RNF150: variants seen among roughly 807,000 people sequenced by gnomAD.
The protein encoded by RNF150 is ring finger protein 150.
A neutral mutation model predicts 39.3 loss-of-function variants in RNF150; 24 were observed. The observed-to-expected ratio is 0.61, with a 90% CI of 0.44 to 0.86. The LOEUF is 0.86. RNF150 is among the 40% of genes least tolerant of loss of function. The pLI is 0.00. For missense variants in RNF150, 502 were observed against 587.8 expected, an observed-to-expected ratio of 0.85 and a Z score of 1.51; for synonymous variants, 255 against 227.3, an observed-to-expected ratio of 1.12 and a Z score of -1.10.
At chr4:140,878,718 CT>C (rs1729264751) in intron 6 of RNF150, among the ~76,000 whole-genome samples, 1 of 152,124 alleles carries the variant, frequency 6.6e-6, no homozygotes, top group Non-Finnish European at 1.5e-5. Context: ...TCTTTTCACT[CT>C]GTTGACTGTT....
At chr4:141,070,083 T>A (rs1484843569) in intron 1 of RNF150, among the ~76,000 whole-genome samples, 2 of 152,152 alleles carry the variant, frequency 1.3e-5, no homozygotes, top group African/African-American at 2.4e-5. Context: ...GCCACATACC[T>A]ACAACTATCT....
chr4:141,018,822 A>G lies in RNF150; in HGVS notation c.485-50949T>C, dbSNP rs145284837. On this transcript the variant is annotated intron_variant, in intron 1 of 6. Transcript: ENST00000515673. ...TTATGATCATACATAAACCAAAAATAAAAAGCAGGGAGGTAAAATTGCCAC... is the reference window on the plus strand; with the variant it reads ...TTATGATCATACATAAACCAAAAATGAAAAGCAGGGAGGTAAAATTGCCAC... Among the ~76,000 whole-genome samples the G allele has an allele frequency of 5.5e-3, 836 of 152,210 alleles. 9 individuals carry two copies. Among genetic ancestry groups the G allele is most frequent in the African/African-American group, 0.019 (805 of 41,520 alleles).
At chr4:140,976,718 C>A (rs575745376) in intron 1 of RNF150, among the ~76,000 whole-genome samples, 1 of 151,932 alleles carries the variant, frequency 6.6e-6, no homozygotes, top group African/African-American at 2.4e-5. Context: ...TTCCATGATC[C>A]ACCATTATAA....
At chr4:140,871,140 C>CTAA (rs1728922621) in intron 6 of RNF150, among the ~76,000 whole-genome samples, 1 of 151,764 alleles carries the variant, frequency 6.6e-6, no homozygotes, top group Admixed American at 6.6e-5. Context: ...TGTTTTTCTC[C>CTAA]TTTAGGGCTA....
At chr4:140,922,965 T>C (rs1578970350) in intron 5 of RNF150, among the ~76,000 whole-genome samples, 1 of 150,740 alleles carries the variant, frequency 6.6e-6, no homozygotes, top group Non-Finnish European at 1.5e-5. Context: ...ATACAAAAAT[T>C]AATTCAAGAT....
chr4:141,206,821 T>C (rs762853438), intron 1 of RNF150, among the ~76,000 whole-genome samples: 12 of 151,860 alleles, frequency 7.9e-5, no homozygotes, highest in Admixed American at 1.3e-4. Flanking sequence ...GAGAAGCCAG[T>C]AAGTGGTTCT....
At chr4:140,981,359 C>T (rs1228235833) in intron 1 of RNF150, among the ~76,000 whole-genome samples, 1 of 152,046 alleles carries the variant, frequency 6.6e-6, no homozygotes, top group Non-Finnish European at 1.5e-5. Context: ...TACAAATAGT[C>T]TGAAGGTAAT....
intron 1 of RNF150, among the ~76,000 whole-genome samples, chr4:141,095,227 G>A (rs1289657339): frequency 6.6e-6 from 1 of 152,184 alleles, no homozygotes; most frequent in Admixed American, 6.5e-5. Flanking sequence ...ACCTCAGTCT[G>A]GAATAGCTGG....
chr4:141,116,561 C>G (rs1739555745), intron 1 of RNF150, among the ~76,000 whole-genome samples: 1 of 152,188 alleles, frequency 6.6e-6, no homozygotes, highest in Non-Finnish European at 1.5e-5. Flanking sequence ...ATTAGTTCAA[C>G]CATTGTAGAA....
At chr4:141,112,993 A>G (rs185258371) in intron 1 of RNF150, among the ~76,000 whole-genome samples, 51 of 151,818 alleles carry the variant, frequency 3.4e-4, no homozygotes, top group Middle Eastern at 3.4e-3. Context: ...ATTTCTGATA[A>G]CCTTTCTTCC....
chr4:141,155,525 C>A (rs1727376767), intron 1 of RNF150, among the ~76,000 whole-genome samples: 1 of 152,064 alleles, frequency 6.6e-6, no homozygotes, highest in Non-Finnish European at 1.5e-5. Flanking sequence ...GGAATTTATG[C>A]TGAATGGGTT....
At chr4:140,959,125 T>C (rs941292131) in intron 2 of RNF150, among the ~76,000 whole-genome samples, 2 of 152,166 alleles carry the variant, frequency 1.3e-5, no homozygotes, top group Non-Finnish European at 2.9e-5. Context: ...CATGGTCCTA[T>C]GTACTTAATA....
chr4:140,880,259 G>A (rs1197101453), intron 6 of RNF150, among the ~76,000 whole-genome samples: 1 of 152,016 alleles, frequency 6.6e-6, no homozygotes, highest in African/African-American at 2.4e-5. Context: ...ATAATCATGT[G>A]ATTTTCATTC....
chr4:141,085,215 T>G (rs1738315304), intron 1 of RNF150, among the ~76,000 whole-genome samples: 1 of 152,156 alleles, frequency 6.6e-6, no homozygotes, highest in Non-Finnish European at 1.5e-5. Flanking sequence ...AACTGCCCTT[T>G]ATAAAGCCAT....
chr4:141,005,786 G>A (rs1335223311), intron 1 of RNF150, among the ~76,000 whole-genome samples: 3 of 150,780 alleles, frequency 2.0e-5, no homozygotes, highest in African/African-American at 4.9e-5. Flanking sequence ...TATTTTAAAA[G>A]GGCCGGGCGC....
intron 2 of RNF150, among the ~76,000 whole-genome samples, chr4:140,952,168 G>A (rs1449539261): frequency 3.3e-5 from 5 of 151,930 alleles, no homozygotes; most frequent in African/African-American, 4.8e-5. Context: ...CCGCCACCAC[G>A]CCTGGCTGAT....
chr4:140,887,554 G>A (rs558558989), intron 6 of RNF150, among the ~76,000 whole-genome samples: 5 of 152,212 alleles, frequency 3.3e-5, no homozygotes, highest in Admixed American at 1.3e-4. Flanking sequence ...CTTCAGTGTT[G>A]TTGGATGTAG....
At chr4:141,000,053 GAAGAAGAAGAAGAAGAAGA>G (rs1734589598) in intron 1 of RNF150, among the ~76,000 whole-genome samples, 1 of 98,486 alleles carries the variant, frequency 1.0e-5, no homozygotes, top group African/African-American at 3.8e-5. Flanking sequence ...AGAAGAAGAA[GAAGAAGAAGAAGAAGAAGA>G]AGAAGAAGAA....
intron 1 of RNF150, among the ~76,000 whole-genome samples, chr4:141,096,853 AG>A (rs1738806160): frequency 6.6e-6 from 1 of 152,250 alleles, no homozygotes; most frequent in African/African-American, 2.4e-5. Flanking sequence ...TAAAATTCCA[AG>A]AAACTTCAAG....
Sources: allele counts gnomAD v4.1 joint callset (sites outside exome capture counted in the v4.1 genomes callset), GRCh38; gene constraint gnomAD v4.1.1; transcripts MANE v1.5; gene names NCBI Gene and HGNC (gene_info 2026-07-23, HGNC 2026-07-21).